The following NRXN3 variants were observed in gnomAD, a reference collection of about 807,000 sequenced individuals.
NRXN3 encodes neurexin 3, also known as neurexin III.
Under a neutral mutation model 137.6 loss-of-function variants are expected in NRXN3, and 32 were observed. The observed-to-expected ratio is 0.23, with a 90% confidence interval of 0.18 to 0.31. The LOEUF (loss-of-function observed/expected upper bound fraction) is 0.31, where lower values mean the gene tolerates loss of function less well. Among genes scored for constraint, NRXN3 ranks in the 10% least tolerant of loss-of-function variants. The pLI is 1.00. For synonymous variants in NRXN3, 798 were observed against 784.5 expected, an observed-to-expected ratio of 1.02 and a Z score of -0.29; for missense variants, 1,574 against 2,062.5, an observed-to-expected ratio of 0.76 and a Z score of 4.59.
chr14:78,555,079 T>G (rs1270633192), intron 4 of NRXN3, among the ~76,000 whole-genome samples: 1 of 152,134 alleles, frequency 6.6e-6, no homozygotes, highest in Non-Finnish European at 1.5e-5. Context: ...TCTGTGTCTC[T>G]ATTTCTCCCT....
chr14:79,697,718 G>A lies in NRXN3; in HGVS notation c.3795G>A (p.Gly1265=). The A allele has an allele frequency of 6.2e-7, 1 of 1,613,118 alleles. No homozygotes were observed. ...KGRLFQGQLS[G]LYYDGLKVLN... ...GCCTCTTCCAAGGCCAACTCTCTGG[G>A]CTCTATTATGATGGTTTGAAAGTAC... The change falls in exon 19 of 21, where the codon GGG becomes GGA. Residue 1265 remains glycine, a synonymous_variant. Coordinates refer to ENST00000335750, the MANE Select transcript of NRXN3 (RefSeq NM_001330195.2).
At chr14:78,267,161 G>T (rs1362215096) in intron 2 of NRXN3, among the ~76,000 whole-genome samples, 1 of 152,184 alleles carries the variant, frequency 6.6e-6, no homozygotes, top group Non-Finnish European at 1.5e-5. Flanking sequence ...GCTGAGCATG[G>T]TGTCAGGCAG....
At chr14:78,925,744 A>T (rs1339860892) in intron 10 of NRXN3, among the ~76,000 whole-genome samples, 1 of 152,172 alleles carries the variant, frequency 6.6e-6, no homozygotes, top group African/African-American at 2.4e-5. Flanking sequence ...CTATATGCTA[A>T]GTACGAGGCC....
intron 16 of NRXN3, among the ~76,000 whole-genome samples, chr14:79,476,654 A>G (rs931093915): frequency 6.6e-6 from 1 of 152,080 alleles, no homozygotes; most frequent in African/African-American, 2.4e-5. Context: ...CATTGATACC[A>G]TTACTATCAC....
chr14:78,585,686 C>T (rs1036323216), intron 4 of NRXN3, among the ~76,000 whole-genome samples: 1 of 151,970 alleles, frequency 6.6e-6, no homozygotes, highest in African/African-American at 2.4e-5. Flanking sequence ...AGGGTGACAC[C>T]AAGCATGTGA....
intron 15 of NRXN3, among the ~76,000 whole-genome samples, chr14:79,223,902 A>C (rs2153234017): frequency 6.6e-6 from 1 of 152,274 alleles, no homozygotes; most frequent in East Asian, 1.9e-4. Flanking sequence ...GAGCTATTGC[A>C]TGTGACTTTA....
intron 8 of NRXN3, among the ~76,000 whole-genome samples, chr14:78,729,895 A>T (rs1291459021): frequency 6.6e-6 from 1 of 152,256 alleles, no homozygotes; most frequent in Non-Finnish European, 1.5e-5. Context: ...AATGCAAAGC[A>T]AAATGAATGG....
intron 15 of NRXN3, among the ~76,000 whole-genome samples, chr14:79,395,238 G>T (rs974863322): frequency 9.9e-5 from 15 of 152,098 alleles, no homozygotes; most frequent in Admixed American, 3.3e-4. Flanking sequence ...TGACATCTGG[G>T]TGGCAAAAGA....
intron 16 of NRXN3, among the ~76,000 whole-genome samples, chr14:79,651,418 A>G (rs2098475248): frequency 6.6e-6 from 1 of 152,238 alleles, no homozygotes; most frequent in African/African-American, 2.4e-5. Context: ...AGAAGAATGC[A>G]AAGGTGCTTT....
Position 78,673,556 on chromosome 14 carries a change from C to G in NRXN3, c.1221+22230C>G, listed in dbSNP as rs59395792. On this transcript the variant is annotated intron_variant, in intron 6 of 20. Transcript: ENST00000335750. ...GATGTCTCCGTCAGTTCAGGCTGCC[C>G]TAACAGAATACCATAGACTGGGTGG... 8.2e-3 allele frequency among the ~76,000 whole-genome samples: 1,250 copies of G among 152,290 alleles called. 91 individuals carry two copies. In the East Asian group the frequency reaches 0.18, roughly 22 times the overall value.
chr14:79,536,207 A>T (rs1296679149), intron 16 of NRXN3, among the ~76,000 whole-genome samples: 1 of 152,192 alleles, frequency 6.6e-6, no homozygotes, highest in African/African-American at 2.4e-5. Context: ...TGGACTCTAT[A>T]TGGAAAGGGA....
chr14:79,788,696 T>C (rs934283711), intron 19 of NRXN3, among the ~76,000 whole-genome samples: 2 of 152,196 alleles, frequency 1.3e-5, no homozygotes, highest in Admixed American at 1.3e-4. Context: ...AAGAAGTCCC[T>C]TGTCTCCCTC....
intron 1 of NRXN3, among the ~76,000 whole-genome samples, chr14:78,198,337 C>T (rs1171580791): frequency 6.6e-6 from 1 of 152,208 alleles, no homozygotes; most frequent in South Asian, 2.1e-4. Flanking sequence ...GGTGAGCACA[C>T]AGAACTGCCC....
chr14:79,851,614 G>C (rs968827244), intron 20 of NRXN3, among the ~76,000 whole-genome samples: 9 of 152,164 alleles, frequency 5.9e-5, no homozygotes, highest in African/African-American at 2.2e-4. Flanking sequence ...GGAATTGGTT[G>C]TCAGAACCAG....
At chr14:78,872,389 C>A (rs2152569067) in intron 10 of NRXN3, among the ~76,000 whole-genome samples, 1 of 150,614 alleles carries the variant, frequency 6.6e-6, no homozygotes, top group African/African-American at 2.4e-5. Flanking sequence ...AGATACAAAT[C>A]ATTTCTTTTA....
chr14:79,670,212 T>G (rs893812976), intron 17 of NRXN3, among the ~76,000 whole-genome samples: 2 of 152,106 alleles, frequency 1.3e-5, no homozygotes, highest in Non-Finnish European at 2.9e-5. Context: ...TTATGTGTTT[T>G]CTACCATGTA....
In NRXN3 at chr14:79,805,202, C is replaced by T; in HGVS notation, c.4093+12C>T. 6.2e-7 allele frequency: 1 copy of T among 1,610,992 alleles called. No individual in the cohort carries two copies. The highest frequency in any genetic ancestry group is 1.1e-5 in the South Asian group (1 of 90,886). ...TGAGCCGAGTACAGGTAGGTCAGGT[C>T]AGTCTTATTTTGCTTGCTTTCTTTT... On this transcript the variant is annotated intron_variant, in intron 20 of 20. Coordinates refer to ENST00000335750, the MANE Select transcript of NRXN3 (RefSeq NM_001330195.2).
chr14:79,574,491 G>C (rs1438195100), intron 16 of NRXN3, among the ~76,000 whole-genome samples: 1 of 152,132 alleles, frequency 6.6e-6, no homozygotes, highest in Non-Finnish European at 1.5e-5. Context: ...CGTACTGCCA[G>C]ATATATTTTA....
intron 20 of NRXN3, among the ~76,000 whole-genome samples, chr14:79,818,456 T>A (rs1441607657): frequency 6.6e-6 from 1 of 152,174 alleles, no homozygotes; most frequent in African/African-American, 2.4e-5. Context: ...GGATAGAGGC[T>A]CTTAGCGAGA....
Sources: gnomAD v4.1 joint callset for allele counts (sites outside exome capture counted in the v4.1 genomes callset) on GRCh38, gnomAD v4.1.1 for gene constraint, MANE v1.5 for transcripts, NCBI Gene and HGNC (gene_info 2026-07-23, HGNC 2026-07-21) for gene names.